SLAIN2: variants seen among roughly 807,000 people sequenced by gnomAD.
SLAIN2 encodes the protein SLAIN family member 2.
A neutral mutation model predicts 56.6 loss-of-function variants in SLAIN2; 31 were observed. That is an observed-to-expected ratio of 0.55 (90% CI 0.41 to 0.74). SLAIN2 has a LOEUF of 0.74. Among genes scored for constraint, SLAIN2 ranks in the 30% least tolerant of loss-of-function variants. The probability of loss-of-function intolerance (pLI) is 0.00; values close to 1 mark genes in which losing one functional copy is unlikely to be tolerated. For synonymous variants in SLAIN2, 317 were observed against 284.9 expected, an observed-to-expected ratio of 1.11 and a Z score of -1.13; for missense variants, 777 against 754.2, an observed-to-expected ratio of 1.03 and a Z score of -0.35.
intron 4 of SLAIN2, among the ~76,000 whole-genome samples, chr4:48,381,604 G>A (rs1183818471): frequency 2.0e-5 from 3 of 152,102 alleles, no homozygotes; most frequent in South Asian, 4.1e-4. Context: ...TTGGTTCCCC[G>A]ACTAACTGAA....
intron 6 of SLAIN2, among the ~76,000 whole-genome samples, chr4:48,398,901 T>TGTA (rs1716478047): frequency 6.6e-6 from 1 of 152,184 alleles, no homozygotes; most frequent in Non-Finnish European, 1.5e-5. Context: ...ACTCTAGCCT[T>TGTA]GTAGTATAGT....
intron 6 of SLAIN2, among the ~76,000 whole-genome samples, chr4:48,400,085 C>A (rs994197991): frequency 3.3e-5 from 5 of 152,088 alleles, no homozygotes; most frequent in African/African-American, 1.2e-4. Flanking sequence ...TTGTACCAGC[C>A]ATTCTTTGTA....
chr4:48,386,598 T>C (rs1166227989), intron 6 of SLAIN2, among the ~76,000 whole-genome samples: 1 of 152,220 alleles, frequency 6.6e-6, no homozygotes, highest in African/African-American at 2.4e-5. Flanking sequence ...TGCTAAAACC[T>C]GTTTTTATAG....
chr4:48,377,653 T>C (rs1395394984), intron 2 of SLAIN2, among the ~76,000 whole-genome samples: 2 of 152,188 alleles, frequency 1.3e-5, no homozygotes, highest in African/African-American at 4.8e-5. Flanking sequence ...ATAATCTGTT[T>C]AGGAGTTACT....
chr4:48,410,335 C>G (rs1366858638), intron 6 of SLAIN2, among the ~76,000 whole-genome samples: 1 of 150,724 alleles, frequency 6.6e-6, no homozygotes, highest in Non-Finnish European at 1.5e-5. Flanking sequence ...GGATTCAAGT[C>G]CCATATCAGA....
intron 6 of SLAIN2, among the ~76,000 whole-genome samples, chr4:48,406,525 C>CTTTT (rs34797619): frequency 2.2e-5 from 3 of 135,090 alleles, no homozygotes; most frequent in East Asian, 4.3e-4. Context: ...CTCTCTCTCT[C>CTTTT]TTTTTTTTTT....
intron 2 of SLAIN2, among the ~76,000 whole-genome samples, chr4:48,373,559 A>G (rs1203775519): frequency 6.6e-6 from 1 of 152,152 alleles, no homozygotes; most frequent in African/African-American, 2.4e-5. Flanking sequence ...ATAAAGAAAA[A>G]TGAACACTGT....
chr4:48,372,075 C>T (rs1715686117), intron 2 of SLAIN2, among the ~76,000 whole-genome samples: 2 of 150,992 alleles, frequency 1.3e-5, no homozygotes, highest in Admixed American at 6.6e-5. Flanking sequence ...CACACACACA[C>T]ATATATATCC....
chr4:48,410,826 C>A (rs116583202), intron 6 of SLAIN2, among the ~76,000 whole-genome samples: 3,424 of 152,270 alleles, frequency 0.022, 140 homozygotes, highest in African/African-American at 0.078. Context: ...CGTTACAGAC[C>A]CTGAGAAATA....
chr4:48,393,880 GA>G (rs1413699977), intron 6 of SLAIN2, among the ~76,000 whole-genome samples: 1 of 151,920 alleles, frequency 6.6e-6, no homozygotes, highest in African/African-American at 2.4e-5. Flanking sequence ...TAGGAGTTTG[GA>G]AAAAAGCTTA....
intron 2 of SLAIN2, among the ~76,000 whole-genome samples, chr4:48,373,313 G>T (rs192060050): frequency 1.5e-4 from 23 of 151,996 alleles, no homozygotes; most frequent in Non-Finnish European, 2.2e-4. Context: ...TTCTGTACCC[G>T]TGTTAACCAA....
chr4:48,425,485 A>C lies in SLAIN2; in HGVS notation c.*3408A>C, dbSNP rs1190822631. On this transcript the variant is annotated 3_prime_UTR_variant, in exon 8 of 8. Transcript: ENST00000264313. ...TGGATGGAAAAATCAAGAATTGTAC[A>C]CTGTTTAATGAGTTCTCCATATTCC... 1 of 152,172 alleles carries C rather than the reference A, an allele frequency of 6.6e-6. No individual in the cohort carries two copies. The highest frequency in any genetic ancestry group is 1.5e-5 in the Non-Finnish European group (1 of 68,002). 9.4% of individuals were successfully genotyped at this position (152,172 alleles called of 1,614,324 possible). A position where few individuals can be genotyped will look rare whatever the true frequency, so the allele number is the denominator to read the frequency against.
At chr4:48,366,341 G>A (rs1042578662) in intron 1 of SLAIN2, among the ~76,000 whole-genome samples, 33 of 152,174 alleles carry the variant, frequency 2.2e-4, no homozygotes, top group Non-Finnish European at 2.4e-4. Context: ...TGATAATGTT[G>A]CTGAAGTCTT....
intron 6 of SLAIN2, among the ~76,000 whole-genome samples, chr4:48,392,552 C>T (rs1055148244): frequency 2.0e-5 from 3 of 152,106 alleles, no homozygotes; most frequent in Admixed American, 1.3e-4. Context: ...CAACAACTGG[C>T]CTACGTTCTG....
chr4:48,410,338 A>G (rs1248084938), intron 6 of SLAIN2, among the ~76,000 whole-genome samples: 2 of 150,926 alleles, frequency 1.3e-5, no homozygotes. Flanking sequence ...TTCAAGTCCC[A>G]TATCAGATCC....
At chr4:48,405,796 G>A (rs1426571789) in intron 6 of SLAIN2, among the ~76,000 whole-genome samples, 1 of 151,962 alleles carries the variant, frequency 6.6e-6, no homozygotes, top group Non-Finnish European at 1.5e-5. Flanking sequence ...TGTATAAAGA[G>A]AATTTTTTCC....
intron 6 of SLAIN2, among the ~76,000 whole-genome samples, chr4:48,405,439 TTGTTTCTTAGAAGAAAC>T (rs1446305664): frequency 6.6e-6 from 1 of 152,188 alleles, no homozygotes; most frequent in Non-Finnish European, 1.5e-5. Flanking sequence ...CTCTCATTGT[TTGTTTCTTAGAAGAAAC>T]CACCAGATCA....
At chr4:48,364,204 C>T (rs1212318068) in intron 1 of SLAIN2, among the ~76,000 whole-genome samples, 2 of 69,002 alleles carry the variant, frequency 2.9e-5, no homozygotes, top group East Asian at 7.7e-4. Context: ...GACGGGGTCT[C>T]GGCCGGGCAG....
chr4:48,347,174 G>A (rs750155446), intron 1 of SLAIN2, among the ~76,000 whole-genome samples: 4 of 151,974 alleles, frequency 2.6e-5, no homozygotes, highest in Non-Finnish European at 5.9e-5. Flanking sequence ...CAGTCACTGT[G>A]GTGTGCCCAT....
Sources: gnomAD v4.1 joint callset for allele counts (sites outside exome capture counted in the v4.1 genomes callset) on GRCh38, gnomAD v4.1.1 for gene constraint, MANE v1.5 for transcripts, NCBI Gene and HGNC (gene_info 2026-07-23, HGNC 2026-07-21) for gene names.